SPTB: variants seen among roughly 807,000 people sequenced by gnomAD.
SPTB encodes spectrin beta, erythrocytic.
SPTB carries 45 observed loss-of-function variants against 256.2 expected under a neutral mutation model. The ratio of observed to expected loss-of-function variants is 0.18; its 90% CI spans 0.14 to 0.23. The LOEUF (loss-of-function observed/expected upper bound fraction) is 0.23. Ranked by LOEUF, SPTB falls within the 10% of genes least tolerant of loss-of-function variation. SPTB has a pLI of 1.00. For missense variants in SPTB, 2,715 were observed against 3,040.4 expected (o/e 0.89, Z 2.52); for synonymous variants, 1,231 against 1,243.1 (o/e 0.99, Z 0.21).
chr14:64,855,958 A>G (rs2083866978), intron 1 of SPTB, among the ~76,000 whole-genome samples: 1 of 152,208 alleles, frequency 6.6e-6, no homozygotes, highest in Admixed American at 6.5e-5. Flanking sequence ...GCTGCAGTGC[A>G]GAGCTGCGGA....
chr14:64,826,818 C>G lies in SPTB; in HGVS notation c.-51-3673G>C, dbSNP rs2083383978. ...TCTAAATGCACAGTCCAGAGTCATC[C>G]TTACCTGCCTTCTGCCACCACCGAC... On this transcript the variant is annotated intron_variant, in intron 1 of 35. Coordinates refer to ENST00000644917, the MANE Select transcript of SPTB (RefSeq NM_001355436.2). This position sits in a 1 kb window ranked among gnomAD's most constrained non-coding sequence, Gnocchi z 4.4. Among the ~76,000 whole-genome samples the G allele has an allele frequency of 6.6e-6, 1 of 152,036 alleles. No homozygotes were observed. The highest frequency in any genetic ancestry group is 1.5e-5 in the Non-Finnish European group (1 of 67,976).
chr14:64,819,141 C>G (rs1458019377), intron 2 of SPTB, among the ~76,000 whole-genome samples: 2 of 152,212 alleles, frequency 1.3e-5, no homozygotes, highest in Non-Finnish European at 2.9e-5. Flanking sequence ...TTTTCCTACC[C>G]TTCTTCCTTT....
intron 33 of SPTB, among the ~76,000 whole-genome samples, chr14:64,752,865 C>G (rs971909269): frequency 6.6e-6 from 1 of 152,110 alleles, no homozygotes; most frequent in African/African-American, 2.4e-5. Flanking sequence ...CCCTGGACTG[C>G]TGCTAGAAAG....
chr14:64,834,020 G>T (rs2083485686), intron 1 of SPTB, among the ~76,000 whole-genome samples: 1 of 151,830 alleles, frequency 6.6e-6, no homozygotes, highest in Admixed American at 6.6e-5. Flanking sequence ...ACCACACATT[G>T]TTTTTTGTTT....
Position 64,793,485 on chromosome 14 carries a change from G to T in SPTB, c.2178C>A (p.Asp726Glu), listed in dbSNP as rs1175567202. The change falls in exon 14 of 36, where the codon GAC (aspartate) becomes GAA (glutamate). Residue 726 changes from aspartate to glutamate, a missense_variant. By Grantham distance (45) the Asp-to-Glu change is conservative. Coordinates refer to ENST00000644917, the MANE Select transcript of SPTB (RefSeq NM_001355436.2). The surrounding 1 kb of genome is among the most constrained non-coding windows in gnomAD (Gnocchi z 7.0). ...ARIKEVSAQW[D>E]QLKDLAAFCK... ...AGAAGGCAGCCAGGTCCTTCAGCTG[G>T]TCCCACTGTGCCGACACCTCCTTTA... is the stretch of plus-strand genomic sequence containing the variant. 2 of 1,614,132 alleles carry T rather than the reference G, an allele frequency of 1.2e-6. No homozygotes were observed. Among genetic ancestry groups the T allele is most frequent in the South Asian group, 2.2e-5 (2 of 91,084 alleles).
rs2083565487 is a variant in SPTB at position 64,838,991 on chromosome 14, G to A, written c.-51-15846C>T. On this transcript the variant is annotated intron_variant, in intron 1 of 35. Coordinates refer to ENST00000644917, the MANE Select transcript of SPTB (RefSeq NM_001355436.2). ...CTACCAAAAATACAAAAATTAGCCT[G>A]GGGTAGTGGCGGGTGCCTGTAATCC... is the stretch of plus-strand genomic sequence containing the variant. Among the ~76,000 whole-genome samples the A allele has an allele frequency of 2.6e-5, 4 of 152,272 alleles. No individual in the cohort carries two copies. In the South Asian group the frequency reaches 8.3e-4, roughly 32 times the overall value.
intron 13 of SPTB, 35 bp downstream of exon 13, chr14:64,794,432 G>A (rs769682985): frequency 6.2e-7 from 1 of 1,613,624 alleles, no homozygotes. Context: ...CTCTGGCATT[G>A]GAAGCCTCAA....
rs1033485107 is a variant in SPTB, at chr14:64,792,591, C to T, written c.2666+406G>A. Among the ~76,000 whole-genome samples, 11 of 152,076 alleles carry T rather than the reference C, an allele frequency of 7.2e-5. No individual in the cohort carries two copies. The highest frequency in any genetic ancestry group is 2.6e-4 in the Admixed American group (4 of 15,276). On this transcript the variant is annotated intron_variant, in intron 14 of 35. Transcript: ENST00000644917. The surrounding 1 kb of genome is among the most constrained non-coding windows in gnomAD (Gnocchi z 4.2). ...GGGGTTTGCAAATTCTCTCTGTGGC[C>T]CCTCAGAGTCTCCTGGCTTAAGGAC...
intron 2 of SPTB, among the ~76,000 whole-genome samples, chr14:64,809,594 C>A (rs1415454386): frequency 6.6e-6 from 1 of 152,128 alleles, no homozygotes; most frequent in Non-Finnish European, 1.5e-5. Flanking sequence ...ATCCACCCAC[C>A]TTGGCCTCCC....
intron 1 of SPTB, among the ~76,000 whole-genome samples, chr14:64,846,066 T>G (rs1490242303): frequency 6.6e-6 from 1 of 152,234 alleles, no homozygotes; most frequent in African/African-American, 2.4e-5. Flanking sequence ...TACATTCCTG[T>G]ATCACCCCTG....
In SPTB at chr14:64,873,236, C is replaced by G. The variant is rs1395716193; in HGVS notation, c.-52+6556G>C. On this transcript the variant is annotated intron_variant, in intron 1 of 35. Coordinates refer to ENST00000644917, the MANE Select transcript of SPTB (RefSeq NM_001355436.2). This position sits in a 1 kb window ranked among gnomAD's most constrained non-coding sequence, Gnocchi z 4.3. ...GTCTGTTGCTTGTCATTTAGTTCCTCTCTCCCCCAACTACAATGTGCACTC... is the reference window on the plus strand; with the variant it reads ...GTCTGTTGCTTGTCATTTAGTTCCTGTCTCCCCCAACTACAATGTGCACTC... Among the ~76,000 whole-genome samples the G allele has an allele frequency of 1.3e-5, 2 of 152,152 alleles. No individual in the cohort carries two copies.
chr14:64,808,012 T>C (rs957658579), intron 2 of SPTB, among the ~76,000 whole-genome samples: 1 of 152,180 alleles, frequency 6.6e-6, no homozygotes, highest in Non-Finnish European at 1.5e-5. Context: ...ATCTCATTCC[T>C]CTCTGTTCCT....
At chr14:64,828,278 C>T (rs2083403108) in intron 1 of SPTB, among the ~76,000 whole-genome samples, 4 of 151,884 alleles carry the variant, frequency 2.6e-5, no homozygotes, top group Non-Finnish European at 5.9e-5. Context: ...AGAACTGGCT[C>T]CAGTTATGCT....
chr14:64,773,438 C>T lies in SPTB; in HGVS notation c.4974-14G>A. ...ATGATCTGTTCCCTGGAATTCAAAA[C>T]CAAAAAGGCCCTCAGAGACGGCAGC... On this transcript the variant is annotated splice_polypyrimidine_tract_variant and intron_variant, in intron 24 of 35. Transcript: ENST00000644917. 11 of 1,613,116 alleles carry T rather than the reference C, an allele frequency of 6.8e-6. No homozygotes were observed. Among genetic ancestry groups the T allele is most frequent in the African/African-American group, 2.7e-5 (2 of 75,062 alleles).
chr14:64,764,129 T>A lies in SPTB; in HGVS notation c.6345+2597A>T. On this transcript the variant is annotated intron_variant, in intron 32 of 35. Transcript: ENST00000644917. The surrounding 1 kb of genome is among the most constrained non-coding windows in gnomAD (Gnocchi z 4.2). ...GGAGAGCCACCATCCCCCAGGACTA[T>A]CCCCAAGGGGAGGCGCAGCCATTGG... Among the ~76,000 whole-genome samples, 1 of 152,160 alleles carries A rather than the reference T, an allele frequency of 6.6e-6. No individual in the cohort carries two copies. The highest frequency in any genetic ancestry group is 1.9e-4 in the East Asian group (1 of 5,196).
Position 64,844,896 on chromosome 14 carries a change from A to C in SPTB, c.-51-21751T>G, listed in dbSNP as rs1298923066. On this transcript the variant is annotated intron_variant, in intron 1 of 35. Coordinates refer to ENST00000644917, the MANE Select transcript of SPTB (RefSeq NM_001355436.2). This position sits in a 1 kb window ranked among gnomAD's most constrained non-coding sequence, Gnocchi z 4.1. ...GTGATCGCAGCATGCAACTTTGGAG[A>C]TGGAGAAGAAGATGATCTTCCTAAA... Among the ~76,000 whole-genome samples, 5 of 152,204 alleles carry C rather than the reference A, an allele frequency of 3.3e-5. No individual in the cohort carries two copies. The highest frequency in any genetic ancestry group is 6.5e-5 in the Admixed American group (1 of 15,284).
intron 7 of SPTB, 85 bp from the exon 8 acceptor site, chr14:64,800,953 C>T: frequency 9.4e-7 from 1 of 1,065,058 alleles, no homozygotes; most frequent in Admixed American, 2.0e-5. Context: ...ATTCCTCCAG[C>T]ATCAAGTTCA....
At chr14:64,755,639 G>A (rs991812746) in intron 32 of SPTB, 1 of 152,152 alleles carries the variant, frequency 6.6e-6, no homozygotes, top group Non-Finnish European at 1.5e-5. Flanking sequence ...ATGAGCAGGT[G>A]GGAAAGCCTC....
chr14:64,749,248 G>A lies in SPTB; in HGVS notation c.*58C>T. 6.5e-7 allele frequency: 1 copy of A among 1,532,760 alleles called. No individual in the cohort carries two copies. Among genetic ancestry groups the A allele is most frequent in the Non-Finnish European group, 8.7e-7 (1 of 1,143,406 alleles). The allele number at this position is 1,532,760 out of a possible 1,614,324, so 94.9% of individuals were successfully genotyped here. A position where few individuals can be genotyped will look rare whatever the true frequency, so the allele number is the denominator to read the frequency against. On this transcript the variant is annotated 3_prime_UTR_variant, in exon 36 of 36. Transcript: ENST00000644917. The surrounding 1 kb of genome is among the most constrained non-coding windows in gnomAD (Gnocchi z 4.7). ...CGGGCGGCGGCGAGAGGAGGCCAAGGCCTGGGCTGCCCGGTCTCTGCGCGT... is the reference window on the plus strand; with the variant it reads ...CGGGCGGCGGCGAGAGGAGGCCAAGACCTGGGCTGCCCGGTCTCTGCGCGT...
Sources: gnomAD v4.1 joint callset for allele counts (sites outside exome capture counted in the v4.1 genomes callset) on GRCh38, gnomAD v4.1.1 for gene constraint, Gnocchi (gnomAD v3.1) non-coding constraint, MANE v1.5 for transcripts, NCBI Gene and HGNC (gene_info 2026-07-23, HGNC 2026-07-21) for gene names.